Variants in RBM19 observed in about 807,000 individuals in gnomAD.
RBM19 encodes the protein probable RNA-binding protein 19.
In RBM19, 94 loss-of-function variants were observed where a neutral mutation model predicts 116.8. The observed-to-expected ratio is 0.80, with a 90% CI of 0.68 to 0.95. The LOEUF is 0.95. Among genes scored for constraint, RBM19 ranks in the 40% least tolerant of loss-of-function variants. The pLI, the probability that RBM19 is intolerant of heterozygous loss-of-function variation, is 0.00. For missense variants in RBM19, 1,161 were observed against 1,220.7 expected (o/e 0.95, Z 0.73); for synonymous variants, 475 against 494.1 (o/e 0.96, Z 0.51).
intron 21 of RBM19, among the ~76,000 whole-genome samples, chr12:113,892,222 C>T (rs1275227349): frequency 1.3e-5 from 2 of 152,174 alleles, no homozygotes; most frequent in African/African-American, 4.8e-5. Flanking sequence ...AACTCAGGCT[C>T]GGGCCTCGGT....
rs190259438 is a variant in RBM19, at chr12:113,838,707, C to T, written c.2785+5961G>A. 3.9e-5 allele frequency among the ~76,000 whole-genome samples: 6 copies of T among 152,244 alleles called. No homozygotes were observed. The East Asian group carries it at 5.8e-4, about 15-fold the overall frequency. Reference sequence around the variant, plus strand: ...CCATGAAGATTGCTAGTTACAGTAACGATAATAATAATTGGTATTATTTAG... The same window carrying T: ...CCATGAAGATTGCTAGTTACAGTAATGATAATAATAATTGGTATTATTTAG... On this transcript the variant is annotated intron_variant, in intron 23 of 23. Coordinates refer to ENST00000261741, the MANE Select transcript of RBM19 (RefSeq NM_016196.4).
chr12:113,959,132 C>A (rs1469427140), intron 5 of RBM19, 80 bp downstream of exon 5: 1 of 1,514,670 alleles, frequency 6.6e-7, no homozygotes, highest in South Asian at 1.3e-5. Context: ...AGAGTCTGCA[C>A]AGAGGGGCCC....
intron 20 of RBM19, among the ~76,000 whole-genome samples, chr12:113,917,627 A>G (rs2135858166): frequency 6.6e-6 from 1 of 152,374 alleles, no homozygotes; most frequent in South Asian, 2.1e-4. Flanking sequence ...AATTTGCCGG[A>G]TGACCACAAC....
chr12:113,944,038 A>C (rs1017701468), intron 13 of RBM19, among the ~76,000 whole-genome samples: 4 of 150,394 alleles, frequency 2.7e-5, no homozygotes, highest in African/African-American at 9.9e-5. Flanking sequence ...CCCATGTCAA[A>C]AACATTCCCA....
chr12:113,923,325 C>T (rs913015507), intron 18 of RBM19, among the ~76,000 whole-genome samples: 4 of 152,108 alleles, frequency 2.6e-5, no homozygotes, highest in Non-Finnish European at 5.9e-5. Context: ...GACCTTCCCT[C>T]GCAGCCCCCA....
intron 21 of RBM19, among the ~76,000 whole-genome samples, chr12:113,865,704 G>C (rs1207775789): frequency 6.6e-6 from 1 of 152,110 alleles, no homozygotes; most frequent in Non-Finnish European, 1.5e-5. Flanking sequence ...CTGTCCCATA[G>C]GATGATGCTC....
chr12:113,962,810 C>A (rs189281720), intron 1 of RBM19, among the ~76,000 whole-genome samples: 1 of 152,142 alleles, frequency 6.6e-6, no homozygotes, highest in East Asian at 1.9e-4. Flanking sequence ...TTAATAAAGC[C>A]CCCCCAAAAG....
intron 23 of RBM19, among the ~76,000 whole-genome samples, chr12:113,829,450 G>A (rs118139943): frequency 6.0e-4 from 92 of 152,328 alleles, no homozygotes; most frequent in African/African-American, 2.1e-3. Context: ...CCTGTTAAAC[G>A]GGGACGGTGC....
At chr12:113,922,047 C>T (rs1000387105) in intron 18 of RBM19, among the ~76,000 whole-genome samples, 1 of 152,120 alleles carries the variant, frequency 6.6e-6, no homozygotes, top group Non-Finnish European at 1.5e-5. Flanking sequence ...CCACCCGCCT[C>T]CTTGCTTTGG....
At chr12:113,943,017 T>C (rs532861289) in intron 13 of RBM19, among the ~76,000 whole-genome samples, 36 of 152,214 alleles carry the variant, frequency 2.4e-4, no homozygotes, top group African/African-American at 8.4e-4. Flanking sequence ...TGCCACCCCA[T>C]GCTGAGCTCA....
chr12:113,923,371 C>T (rs1868763055), intron 18 of RBM19, among the ~76,000 whole-genome samples: 1 of 152,130 alleles, frequency 6.6e-6, no homozygotes, highest in Non-Finnish European at 1.5e-5. Flanking sequence ...TGATCTTAGA[C>T]TTCTAGACTC....
intron 21 of RBM19, among the ~76,000 whole-genome samples, chr12:113,888,237 A>G (rs1880679543): frequency 1.3e-5 from 2 of 152,338 alleles, no homozygotes; most frequent in East Asian, 1.9e-4. Context: ...TGCTTTACAA[A>G]CATTCCCTTT....
intron 16 of RBM19, among the ~76,000 whole-genome samples, chr12:113,929,434 C>T (rs1399867963): frequency 1.3e-5 from 2 of 152,128 alleles, no homozygotes; most frequent in Non-Finnish European, 2.9e-5. Flanking sequence ...GAAATCTACA[C>T]AAAGGCTCCT....
intron 23 of RBM19, among the ~76,000 whole-genome samples, chr12:113,823,692 C>T (rs140472106): frequency 4.6e-5 from 7 of 152,226 alleles, no homozygotes; most frequent in African/African-American, 1.4e-4. Context: ...ATCTTCTACC[C>T]GCAGGGGAAA....
intron 23 of RBM19, among the ~76,000 whole-genome samples, chr12:113,826,406 C>T (rs569357229): frequency 4.6e-5 from 7 of 152,132 alleles, no homozygotes; most frequent in South Asian, 4.1e-4. Flanking sequence ...GTGTGCTGAG[C>T]GACTGAGGGA....
intron 22 of RBM19, among the ~76,000 whole-genome samples, chr12:113,848,896 G>C (rs1215182007): frequency 6.6e-6 from 1 of 152,100 alleles, no homozygotes; most frequent in Admixed American, 6.5e-5. Context: ...TGGCATCGAA[G>C]GCCTTCTTAG....
intron 21 of RBM19, among the ~76,000 whole-genome samples, chr12:113,905,160 C>T (rs1881955648): frequency 6.6e-6 from 1 of 152,186 alleles, no homozygotes; most frequent in African/African-American, 2.4e-5. Context: ...ATGGCCAACC[C>T]CAGCCAGGCA....
intron 21 of RBM19, among the ~76,000 whole-genome samples, chr12:113,889,322 G>A (rs1346169564): frequency 2.0e-5 from 3 of 152,164 alleles, no homozygotes; most frequent in Non-Finnish European, 2.9e-5. Context: ...GGCACATCCC[G>A]AGCTGCAGTT....
rs1874743646 is a variant in RBM19, at chr12:113,825,086, G to A, written c.2786-1765C>T. On this transcript the variant is annotated intron_variant, in intron 23 of 23. Coordinates refer to ENST00000261741, the MANE Select transcript of RBM19 (RefSeq NM_016196.4). The surrounding 1 kb of genome is among the most constrained non-coding windows in gnomAD (Gnocchi z 5.7). ...CACTGCCGCAGGCCTTTCTTTGTGTGGGATGTTGTCTCACTCACTGCTGTG... is the reference window on the plus strand; with the variant it reads ...CACTGCCGCAGGCCTTTCTTTGTGTAGGATGTTGTCTCACTCACTGCTGTG... Among the ~76,000 whole-genome samples the A allele has an allele frequency of 6.6e-6, 1 of 152,220 alleles. No homozygotes were observed. Among genetic ancestry groups the A allele is most frequent in the African/African-American group, 2.4e-5 (1 of 41,460 alleles).
Sources: gnomAD v4.1 joint callset for allele counts (sites outside exome capture counted in the v4.1 genomes callset) on GRCh38, gnomAD v4.1.1 for gene constraint, Gnocchi (gnomAD v3.1) non-coding constraint, MANE v1.5 for transcripts, NCBI Gene and HGNC (gene_info 2026-07-23, HGNC 2026-07-21) for gene names.